Variants in UBE3C observed in about 807,000 individuals in gnomAD.
The protein encoded by UBE3C is ubiquitin-protein ligase E3C.
UBE3C carries 42 observed loss-of-function variants against 129.4 expected under a neutral mutation model. That is an observed-to-expected ratio of 0.32 (90% CI 0.25 to 0.42). The LOEUF is 0.42. UBE3C is among the 10% of genes least tolerant of loss of function. The pLI is 1.00. For synonymous variants in UBE3C, 510 were observed against 492.4 expected (o/e 1.04, Z -0.47); for missense variants, 1,049 against 1,319.1 (o/e 0.80, Z 3.17).
intron 4 of UBE3C, among the ~76,000 whole-genome samples, chr7:157,172,444 C>A (rs553581491): frequency 6.6e-6 from 1 of 152,186 alleles, no homozygotes; most frequent in East Asian, 1.9e-4. Context: ...CGCTACAAAC[C>A]ATCCCTACTA....
chr7:157,223,354 A>G lies in UBE3C; in HGVS notation c.2100+3A>G. ...TTCCATTTGAGGAACGAGTAAAGGT[A>G]TGCAATTTGGCTTCTTTATTGTCAC... On this transcript the variant is annotated splice_donor_region_variant and intron_variant, in intron 16 of 22. Transcript: ENST00000348165. 6.2e-7 allele frequency: 1 copy of G among 1,607,880 alleles called. No homozygotes were observed.
chr7:157,198,217 A>T, intron 10 of UBE3C: 1 of 1,509,584 alleles, frequency 6.6e-7, no homozygotes, highest in East Asian at 2.3e-5. Context: ...GACCGCTTAC[A>T]AAAGGAATTA....
Position 157,253,987 on chromosome 7 carries a change from C to G in UBE3C, c.2728C>G (p.Pro910Ala), listed in dbSNP as rs746313180. 4 of 1,599,300 alleles carry G rather than the reference C, an allele frequency of 2.5e-6. No individual in the cohort carries two copies. In the East Asian group the frequency reaches 9.0e-5, roughly 36 times the overall value. ...VELKFGGKDI[P>A]VTSANRIAYI... The stretch of plus-strand genomic sequence containing the variant: ...ACTAAAATTCGGTGGGAAAGACATC[C>G]CTGTCACCAGCGCCAACCGGATTGC... The change falls in exon 20 of 23, where the codon CCT (proline) becomes GCT (alanine). Residue 910 changes from proline to alanine, a missense_variant. This residue lies in a region of UBE3C where 243 missense variants were observed against 368.7 expected (regional missense o/e 0.66). Coordinates refer to ENST00000348165, the MANE Select transcript of UBE3C (RefSeq NM_014671.3).
intron 1 of UBE3C, among the ~76,000 whole-genome samples, chr7:157,141,016 C>T (rs1807430946): frequency 6.6e-6 from 1 of 152,214 alleles, no homozygotes; most frequent in South Asian, 2.1e-4. Context: ...TTAACCCCAT[C>T]TCACCAGGAG....
chr7:157,153,889 A>C (rs1563029830), intron 1 of UBE3C, among the ~76,000 whole-genome samples: 1 of 151,892 alleles, frequency 6.6e-6, no homozygotes, highest in Non-Finnish European at 1.5e-5. Flanking sequence ...GTTACTCGGG[A>C]GGCTGAGGTG....
At chr7:157,247,223 G>T (rs953559204) in intron 18 of UBE3C, among the ~76,000 whole-genome samples, 1 of 152,162 alleles carries the variant, frequency 6.6e-6, no homozygotes, top group Non-Finnish European at 1.5e-5. Flanking sequence ...CTTTTGTAGA[G>T]GAAATTGAGA....
At position 157,231,071 on chromosome 7, in the gene UBE3C, T is replaced by G. The variant is rs1584806025; in HGVS notation, c.2234-9T>G. On this transcript the variant is annotated splice_polypyrimidine_tract_variant and intron_variant, in intron 17 of 22. Transcript: ENST00000348165. The stretch of plus-strand genomic sequence containing the variant: ...CTTTCCTCCTCACCCTCCCATTTTT[T>G]TTTAACAGAGCCTGATTTGAAAAAG... The G allele has an allele frequency of 1.9e-6, 3 of 1,611,946 alleles. No individual in the cohort carries two copies. The South Asian group carries it at 3.3e-5, about 18-fold the overall frequency.
chr7:157,139,272 G>T lies in UBE3C; in HGVS notation c.-1G>T. 1 of 1,574,644 alleles carries T rather than the reference G, an allele frequency of 6.4e-7. No homozygotes were observed. On this transcript the variant is annotated 5_prime_UTR_variant, in exon 1 of 23. Transcript: ENST00000348165. The stretch of plus-strand genomic sequence containing the variant: ...GCCCGCACATGGGCTAGGCTGCCAG[G>T]ATGTTCAGCTTCGAAGGCGACTTCA...
chr7:157,182,792 A>G (rs1808703361), intron 8 of UBE3C, among the ~76,000 whole-genome samples: 1 of 152,094 alleles, frequency 6.6e-6, no homozygotes, highest in Admixed American at 6.5e-5. Context: ...CTCTGTCACT[A>G]GGCTGGAGTG....
At chr7:157,237,570 C>G (rs1796185199) in intron 18 of UBE3C, among the ~76,000 whole-genome samples, 1 of 152,112 alleles carries the variant, frequency 6.6e-6, no homozygotes, top group South Asian at 2.1e-4. Context: ...CACGCCCAAG[C>G]AATAGTTAAA....
chr7:157,170,872 G>C (rs1007702264), intron 4 of UBE3C, among the ~76,000 whole-genome samples: 2 of 151,994 alleles, frequency 1.3e-5, no homozygotes, highest in African/African-American at 4.8e-5. Flanking sequence ...ATTAGAGATG[G>C]GGTCTTACTC....
Position 157,182,199 on chromosome 7 carries a change from G to A in UBE3C, c.862G>A (p.Ala288Thr), listed in dbSNP as rs1308194962. The change falls in exon 8 of 23, where the codon GCG becomes ACG. Residue 288 changes from alanine to threonine, a missense_variant. Coordinates refer to ENST00000348165, the MANE Select transcript of UBE3C (RefSeq NM_014671.3). ...TTTCATCATTCCGGCGCTTGCAGAT[G>A]CGCAGACCGTTTTCCCTTACGAGCC... ...FHFIIPALAD[A>T]QTVFPYEPFL... 5 of 1,614,136 alleles carry A rather than the reference G, an allele frequency of 3.1e-6. No individual in the cohort carries two copies. Among genetic ancestry groups the A allele is most frequent in the East Asian group, 2.2e-5 (1 of 44,878 alleles).
intron 19 of UBE3C, among the ~76,000 whole-genome samples, chr7:157,250,238 C>T (rs746203285): frequency 4.6e-5 from 7 of 151,978 alleles, no homozygotes; most frequent in Admixed American, 3.9e-4. Flanking sequence ...TGTTTTGAGA[C>T]GGGGTTTCAC....
chr7:157,229,163 C>A (rs1168758267), intron 17 of UBE3C, among the ~76,000 whole-genome samples: 1 of 152,146 alleles, frequency 6.6e-6, no homozygotes, highest in East Asian at 1.9e-4. Context: ...CCTCTCCTTC[C>A]CCCTATCTTT....
At chr7:157,259,202 C>T (rs113545880) in intron 22 of UBE3C, among the ~76,000 whole-genome samples, 73 of 152,372 alleles carry the variant, frequency 4.8e-4, no homozygotes, top group African/African-American at 1.7e-3. Context: ...TCAGTGGGAG[C>T]GGAGCCCCGC....
At chr7:157,206,762 A>G (rs1334961337) in intron 11 of UBE3C, among the ~76,000 whole-genome samples, 1 of 142,482 alleles carries the variant, frequency 7.0e-6, no homozygotes, top group Non-Finnish European at 1.5e-5. Flanking sequence ...CTGGCTAATT[A>G]ATTTAATATA....
At position 157,159,521 on chromosome 7, in the gene UBE3C, A is replaced by G. The variant is rs143331127; in HGVS notation, c.67-4289A>G. Among the ~76,000 whole-genome samples the G allele has an allele frequency of 6.9e-3, 1,055 of 152,358 alleles. 8 individuals carry two copies. The highest frequency in any genetic ancestry group is 0.017 in the Middle Eastern group (5 of 294). On this transcript the variant is annotated intron_variant, in intron 1 of 22. Coordinates refer to ENST00000348165, the MANE Select transcript of UBE3C (RefSeq NM_014671.3). The stretch of plus-strand genomic sequence containing the variant: ...CAAAAGTTTGTTAAAGCAAAATGGC[A>G]TTTTGGTTAGGAATTCCTTTTCAGA...
rs1005281794 is a variant in UBE3C at position 157,181,656 on chromosome 7, G to C, written c.755G>C (p.Cys252Ser). 6.2e-7 allele frequency: 1 copy of C among 1,613,436 alleles called. No homozygotes were observed. The highest frequency in any genetic ancestry group is 1.3e-5 in the African/African-American group (1 of 74,896). Residue 252 changes from cysteine to serine, a missense_variant, in exon 7 of 23, where the codon TGT becomes TCT. Coordinates refer to ENST00000348165, the MANE Select transcript of UBE3C (RefSeq NM_014671.3). The part of the protein sequence containing the change: ...LKPLHFTYNS[C>S]PEGARQQVFT... Reference sequence around the variant, plus strand: ...CCATTGCACTTTACTTACAACTCCTGTCCGGAAGGTGCGAGGTGAGACTGG... The same window carrying C: ...CCATTGCACTTTACTTACAACTCCTCTCCGGAAGGTGCGAGGTGAGACTGG...
At chr7:157,153,153 G>A (rs1289811040) in intron 1 of UBE3C, among the ~76,000 whole-genome samples, 2 of 152,098 alleles carry the variant, frequency 1.3e-5, no homozygotes, top group African/African-American at 2.4e-5. Flanking sequence ...AGCAGAGATC[G>A]CACCACTTCA....
Sources: gnomAD v4.1 joint callset for allele counts (sites outside exome capture counted in the v4.1 genomes callset) on GRCh38, gnomAD v4.1.1 for gene constraint, gnomAD v4.1.1 regional missense constraint, MANE v1.5 for transcripts, NCBI Gene and HGNC (gene_info 2026-07-23, HGNC 2026-07-21) for gene names.